MMP16: variants seen among roughly 807,000 people sequenced by gnomAD.
The protein encoded by MMP16 is matrix metallopeptidase 16.
A neutral mutation model predicts 67.8 loss-of-function variants in MMP16; 12 were observed. That is an observed-to-expected ratio of 0.18 (90% CI 0.11 to 0.29). MMP16 has a LOEUF of 0.29. MMP16 is among the 10% of genes least tolerant of loss of function. MMP16 has a pLI of 1.00. For missense variants in MMP16, 475 were observed against 765.7 expected, an observed-to-expected ratio of 0.62 and a Z score of 4.48; for synonymous variants, 249 against 255.9, an observed-to-expected ratio of 0.97 and a Z score of 0.26.
At chr8:88,128,557 G>C (rs920504309) in intron 4 of MMP16, among the ~76,000 whole-genome samples, 1 of 151,330 alleles carries the variant, frequency 6.6e-6, no homozygotes, top group Admixed American at 6.6e-5. Context: ...TATTATCGCA[G>C]ACTCTTGACA....
chr8:88,265,184 C>T (rs186786671), intron 1 of MMP16, among the ~76,000 whole-genome samples: 1 of 149,244 alleles, frequency 6.7e-6, no homozygotes, highest in African/African-American at 2.5e-5. Flanking sequence ...TCAAACTCAG[C>T]CCTCAAGTAG....
chr8:88,178,675 T>C (rs1018898068), intron 3 of MMP16, among the ~76,000 whole-genome samples: 1 of 152,172 alleles, frequency 6.6e-6, no homozygotes, highest in Non-Finnish European at 1.5e-5. Context: ...GAAAAATTTC[T>C]CTTTTTTTAA....
intron 4 of MMP16, among the ~76,000 whole-genome samples, chr8:88,159,390 GTTGAATTCCTAGGTATT>G (rs1421813570): frequency 6.6e-6 from 1 of 152,110 alleles, no homozygotes; most frequent in Non-Finnish European, 1.5e-5. Flanking sequence ...TCCCTTGTAA[GTTGAATTCCTAGGTATT>G]TTATTCTCTT....
At chr8:88,154,875 A>C (rs1438626423) in intron 4 of MMP16, among the ~76,000 whole-genome samples, 1 of 152,114 alleles carries the variant, frequency 6.6e-6, no homozygotes. Context: ...AATACAAAAA[A>C]AAAAAGAAAA....
At chr8:88,294,459 T>C (rs1038294895) in intron 1 of MMP16, among the ~76,000 whole-genome samples, 5 of 149,278 alleles carry the variant, frequency 3.3e-5, no homozygotes, top group African/African-American at 9.7e-5. Flanking sequence ...CACATATGCA[T>C]GTCTCTGTAC....
In MMP16 at chr8:88,295,934, TG is replaced by T. The variant is rs1481476249; in HGVS notation, c.132+31140del. 2.0e-5 allele frequency among the ~76,000 whole-genome samples: 3 copies of T among 152,268 alleles called. No individual in the cohort carries two copies. In the East Asian group the frequency reaches 5.8e-4, roughly 29 times the overall value. ...GTGAAACAGTGCCATAATCAGTACA[TG>T]TGGGAAAAATAAGAAAAATCAAATA... On this transcript the variant is annotated intron_variant, in intron 1 of 9. Transcript: ENST00000286614.
At chr8:88,066,992 C>T (rs1808471643) in intron 7 of MMP16, among the ~76,000 whole-genome samples, 1 of 151,880 alleles carries the variant, frequency 6.6e-6, no homozygotes, top group African/African-American at 2.4e-5. Flanking sequence ...TCCAAGATGA[C>T]CACTTAGTAG....
At chr8:88,110,240 C>T (rs1461981419) in intron 6 of MMP16, among the ~76,000 whole-genome samples, 1 of 151,332 alleles carries the variant, frequency 6.6e-6, no homozygotes, top group Non-Finnish European at 1.5e-5. Flanking sequence ...TTCTTACTGA[C>T]TAATACTTGC....
At chr8:88,315,757 A>C (rs1811367202) in intron 1 of MMP16, among the ~76,000 whole-genome samples, 3 of 152,210 alleles carry the variant, frequency 2.0e-5, no homozygotes, top group Admixed American at 2.0e-4. Flanking sequence ...TGAAAGGAAG[A>C]GTCATACATT....
intron 4 of MMP16, among the ~76,000 whole-genome samples, chr8:88,154,646 T>C (rs1303859275): frequency 4.0e-5 from 6 of 149,880 alleles, no homozygotes; most frequent in Non-Finnish European, 8.9e-5. Context: ...ATATTCTCAC[T>C]CATAGGTGGG....
intron 4 of MMP16, among the ~76,000 whole-genome samples, chr8:88,136,687 A>C (rs1177672084): frequency 6.6e-6 from 1 of 151,636 alleles, no homozygotes; most frequent in Non-Finnish European, 1.5e-5. Flanking sequence ...ACATTAAATA[A>C]AATGAATTCA....
intron 3 of MMP16, among the ~76,000 whole-genome samples, chr8:88,172,126 C>T (rs991558755): frequency 6.6e-6 from 1 of 152,072 alleles, no homozygotes; most frequent in African/African-American, 2.4e-5. Flanking sequence ...CCATATGATG[C>T]ATTTTTAATT....
At chr8:88,274,789 CAA>C (rs1304792760) in intron 1 of MMP16, among the ~76,000 whole-genome samples, 1 of 151,546 alleles carries the variant, frequency 6.6e-6, no homozygotes, top group East Asian at 1.9e-4. Context: ...AAAATAATAT[CAA>C]AAAAGAGATA....
chr8:88,069,299 G>A (rs904690812), intron 7 of MMP16: 11 of 345,898 alleles, frequency 3.2e-5, no homozygotes, highest in African/African-American at 1.3e-4. Context: ...TTGATCCCTC[G>A]GTATTTGGTG....
At chr8:88,165,354 C>T (rs1808695410) in intron 4 of MMP16, among the ~76,000 whole-genome samples, 1 of 151,744 alleles carries the variant, frequency 6.6e-6, no homozygotes, top group Non-Finnish European at 1.5e-5. Flanking sequence ...TAAGAGGTCA[C>T]AAAGCCAAAT....
rs143304974 is a variant in MMP16, at chr8:88,074,630, G to A, written c.1197C>T (p.Ser399=). 5.6e-6 allele frequency: 9 copies of A among 1,613,056 alleles called. No homozygotes were observed. The highest frequency in any genetic ancestry group is 1.3e-5 in the African/African-American group (1 of 74,796). ...PPSIDAVYEN[S]DGNFVFFKGN... ...CTTTAAAGAACACAAAATTCCCGTCGCTATTTTCATAAACTGCATCGATAC... is the reference window on the plus strand; with the variant it reads ...CTTTAAAGAACACAAAATTCCCGTCACTATTTTCATAAACTGCATCGATAC... The change falls in exon 7 of 10, where the codon AGC becomes AGT. Residue 399 remains serine, a synonymous_variant. Transcript: ENST00000286614.
chr8:88,224,531 C>G (rs1809737536), intron 1 of MMP16, among the ~76,000 whole-genome samples: 3 of 151,906 alleles, frequency 2.0e-5, no homozygotes, highest in South Asian at 4.1e-4. Context: ...ATTTTGATGA[C>G]TTTATCTCAA....
intron 4 of MMP16, among the ~76,000 whole-genome samples, chr8:88,145,345 A>C (rs1328096298): frequency 2.0e-5 from 3 of 152,002 alleles, no homozygotes; most frequent in Non-Finnish European, 4.4e-5. Context: ...AAGAAAGAAA[A>C]GGTACAGGAA....
chr8:88,069,824 G>A (rs1808521843), intron 7 of MMP16, among the ~76,000 whole-genome samples: 1 of 152,028 alleles, frequency 6.6e-6, no homozygotes, highest in African/African-American at 2.4e-5. Context: ...CATAAGGCAG[G>A]CTAATAGGCT....
Sources: gnomAD v4.1 joint callset for allele counts (sites outside exome capture counted in the v4.1 genomes callset) on GRCh38, gnomAD v4.1.1 for gene constraint, MANE v1.5 for transcripts, NCBI Gene and HGNC (gene_info 2026-07-23, HGNC 2026-07-21) for gene names.